Variants in NRBF2 observed in about 807,000 individuals in gnomAD.
NRBF2 encodes the protein nuclear receptor-binding factor 2.
In NRBF2, 12 loss-of-function variants were observed where a neutral mutation model predicts 28.5. The ratio of observed to expected loss-of-function variants is 0.42; its 90% CI spans 0.27 to 0.68. NRBF2 has a LOEUF of 0.68. NRBF2 is among the 30% of genes least tolerant of loss of function. NRBF2 has a pLI of 0.24. For synonymous variants in NRBF2, 102 were observed against 116.5 expected, an observed-to-expected ratio of 0.88 and a Z score of 0.80; for missense variants, 274 against 333.5, an observed-to-expected ratio of 0.82 and a Z score of 1.39.
At position 63,133,365 on chromosome 10, in the gene NRBF2, A is replaced by G. The variant is rs944972850; in HGVS notation, c.-106A>G. On this transcript the variant is annotated 5_prime_UTR_variant, in exon 1 of 4. Transcript: ENST00000277746. ...CCTATCGCTGGCTCTTGGGGCGCAG[A>G]GAGGGGCCGCAGTCTCCGCGGCTGC... The G allele has an allele frequency of 7.5e-7, 1 of 1,334,536 alleles. No individual in the cohort carries two copies. 82.7% of individuals were successfully genotyped at this position (1,334,536 alleles called of 1,614,324 possible). A position where few individuals can be genotyped will look rare whatever the true frequency, so the allele number is the denominator to read the frequency against.
intron 2 of NRBF2, among the ~76,000 whole-genome samples, chr10:63,151,663 A>G (rs2132695975): frequency 6.6e-6 from 1 of 152,336 alleles, no homozygotes; most frequent in Non-Finnish European, 1.5e-5. Flanking sequence ...CTCGCAGTAA[A>G]TATGTCAACA....
intron 1 of NRBF2, among the ~76,000 whole-genome samples, chr10:63,143,749 AT>A (rs35270148): frequency 0.46 from 53,587 of 115,894 alleles, 11,303 homozygotes; most frequent in African/African-American, 0.49. Flanking sequence ...ACCATGCCCG[AT>A]TTTTTTTTTT....
At chr10:63,145,413 T>A (rs562388295) in intron 1 of NRBF2, among the ~76,000 whole-genome samples, 1 of 152,282 alleles carries the variant, frequency 6.6e-6, no homozygotes, top group East Asian at 1.9e-4. Context: ...TTCACCATGT[T>A]GGCCAGGCTG....
At chr10:63,138,761 C>A (rs1841416825) in intron 1 of NRBF2, among the ~76,000 whole-genome samples, 1 of 151,156 alleles carries the variant, frequency 6.6e-6, no homozygotes, top group Non-Finnish European at 1.5e-5. Context: ...AAAAAAAAGT[C>A]TTTCCTGGAA....
chr10:63,133,571 G>C, intron 1 of NRBF2, 71 bp downstream of exon 1: 1 of 1,202,394 alleles, frequency 8.3e-7, no homozygotes, highest in South Asian at 1.2e-5. Context: ...CGTCCCCGGC[G>C]CGTCGGCTAA....
chr10:63,140,020 TC>T (rs1287889961), intron 1 of NRBF2, among the ~76,000 whole-genome samples: 1 of 151,566 alleles, frequency 6.6e-6, no homozygotes, highest in Non-Finnish European at 1.5e-5. Context: ...TGTCTGTGGT[TC>T]CAGCTACTTG....
intron 1 of NRBF2, among the ~76,000 whole-genome samples, chr10:63,134,290 A>G (rs1248432946): frequency 1.2e-4 from 18 of 152,224 alleles, no homozygotes; most frequent in Non-Finnish European, 4.4e-5. Context: ...AGTTCTTTTC[A>G]GACTGGCCAT....
chr10:63,133,494 C>T lies in NRBF2; in HGVS notation c.24C>T (p.Leu8=). 1 of 1,609,738 alleles carries T rather than the reference C, an allele frequency of 6.2e-7. No homozygotes were observed. Among genetic ancestry groups the T allele is most frequent in the Middle Eastern group, 1.7e-4 (1 of 6,052 alleles). Residue 8 remains leucine, a synonymous_variant, in exon 1 of 4, where the codon CTC becomes CTT. Coordinates refer to ENST00000277746, the MANE Select transcript of NRBF2 (RefSeq NM_030759.5). MEVMEGP[L]NLAHQQSRRA... ...CTATGGAAGTAATGGAAGGACCCCT[C>T]AACCTGGTGAGTGTCCCACAGAATA... is the stretch of plus-strand genomic sequence containing the variant.
intron 1 of NRBF2, 44 bp downstream of exon 1, chr10:63,133,544 C>T (rs1425788232): frequency 6.9e-7 from 1 of 1,446,014 alleles, no homozygotes; most frequent in South Asian, 1.1e-5. Flanking sequence ...GGTGCCTTTG[C>T]CTCAGGAGCC....
Position 63,153,724 on chromosome 10 carries a change from G to C in NRBF2, c.370G>C (p.Glu124Gln), listed in dbSNP as rs1440449051. The change falls in exon 4 of 4, where the codon GAG (glutamate) becomes CAG (glutamine). Residue 124 changes from glutamate (E) to glutamine (Q), a missense_variant. Physicochemically the swap from Glu to Gln is conservative, Grantham distance 29. Transcript: ENST00000277746. ...PLSQKYSPST[E>Q]KCLPEIQGIF... ...TTCTCAGAAGTACAGCCCTTCCACA[G>C]AGAAATGCCTGCCTGAGATTCAGGG... 3.7e-6 allele frequency: 6 copies of C among 1,612,432 alleles called. No homozygotes were observed. In the Admixed American group the frequency reaches 1.0e-4, roughly 27 times the overall value.
At chr10:63,153,435 T>G (rs1841679606) in intron 3 of NRBF2, 76 bp from the exon 4 acceptor site, 1 of 1,123,778 alleles carries the variant, frequency 8.9e-7, no homozygotes, top group Non-Finnish European at 1.3e-6. Context: ...CACAAAGGAT[T>G]TTGAATAGTG....
intron 2 of NRBF2, among the ~76,000 whole-genome samples, chr10:63,150,078 A>T (rs1841622986): frequency 6.6e-6 from 1 of 150,586 alleles, no homozygotes; most frequent in African/African-American, 2.4e-5. Context: ...AGTAGCTGGG[A>T]TTACAGGTGC....
chr10:63,152,529 A>G (rs1351549930), intron 3 of NRBF2, among the ~76,000 whole-genome samples: 1 of 152,226 alleles, frequency 6.6e-6, no homozygotes, highest in African/African-American at 2.4e-5. Flanking sequence ...GGCCTGGCCA[A>G]GAGGAAACTA....
rs565504754 is a variant in NRBF2 at position 63,137,180 on chromosome 10, G to T, written c.30+3680G>T. ...TGTGGAGATGGGGTCTTGCTGTGTT[G>T]CCCAAGCTGGTCTTGAACTCCTGGC... On this transcript the variant is annotated intron_variant, in intron 1 of 3. Coordinates refer to ENST00000277746, the MANE Select transcript of NRBF2 (RefSeq NM_030759.5). Among the ~76,000 whole-genome samples the T allele has an allele frequency of 9.8e-5, 15 of 152,298 alleles. No individual in the cohort carries two copies. In the East Asian group the frequency reaches 2.9e-3, roughly 29 times the overall value.
rs1841696724 is a variant in NRBF2 at position 63,154,272 on chromosome 10, CCAG to C, written c.*57_*59del. ...AGGAAATAATACAGTAATCGTTAAT[CCAG>C]CAAAAAGAAATGAAAAGGGAAAACC... On this transcript the variant is annotated 3_prime_UTR_variant, in exon 4 of 4. Transcript: ENST00000277746. 8.6e-7 allele frequency: 1 copy of C among 1,161,984 alleles called. No individual in the cohort carries two copies. Among genetic ancestry groups the C allele is most frequent in the African/African-American group, 1.5e-5 (1 of 64,552 alleles). 72.0% of individuals were successfully genotyped at this position (1,161,984 alleles called of 1,614,324 possible).
At chr10:63,145,844 G>T (rs1841552151) in intron 1 of NRBF2, among the ~76,000 whole-genome samples, 1 of 152,190 alleles carries the variant, frequency 6.6e-6, no homozygotes, top group African/African-American at 2.4e-5. Flanking sequence ...CTACAAAATA[G>T]CTCTTGTTTT....
At position 63,146,260 on chromosome 10, in the gene NRBF2, G is replaced by A. The variant is rs745822881; in HGVS notation, c.82G>A (p.Glu28Lys). The A allele has an allele frequency of 8.1e-6, 13 of 1,612,676 alleles. No homozygotes were observed. The highest frequency in any genetic ancestry group is 1.1e-5 in the South Asian group (1 of 90,926). Reference sequence around the variant, plus strand: ...CCGTTTATTAGCTGCAGGCAAATACGAAGAGGCTATTTCTTGTCACAAAAA... The same window carrying A: ...CCGTTTATTAGCTGCAGGCAAATACAAAGAGGCTATTTCTTGTCACAAAAA... ...ADRLLAAGKYEEAISCHKKAA... is the reference protein window; with the variant it reads ...ADRLLAAGKYKEAISCHKKAA... The change falls in exon 2 of 4, where the codon GAA becomes AAA. Residue 28 changes from glutamate (E) to lysine (K), a missense_variant. By Grantham distance (56) the Glu-to-Lys change is moderately conservative (BLOSUM62 1). Transcript: ENST00000277746.
chr10:63,149,612 A>T (rs931152087), intron 2 of NRBF2, among the ~76,000 whole-genome samples: 2 of 152,202 alleles, frequency 1.3e-5, no homozygotes, highest in African/African-American at 4.8e-5. Flanking sequence ...TTTTTTCTTT[A>T]AAAATAACTT....
At chr10:63,133,641 AG>A in intron 1 of NRBF2, 141 bp downstream of exon 1, 1 of 686,968 alleles carries the variant, frequency 1.5e-6, no homozygotes, top group Non-Finnish European at 2.5e-6. Flanking sequence ...AGGGGCTGCT[AG>A]GCAGGCCCTG....
Sources: allele counts gnomAD v4.1 joint callset (sites outside exome capture counted in the v4.1 genomes callset), GRCh38; gene constraint gnomAD v4.1.1; transcripts MANE v1.5; gene names NCBI Gene and HGNC (gene_info 2026-07-23, HGNC 2026-07-21).